ANKRD6: variants seen among roughly 807,000 people sequenced by gnomAD.
The protein encoded by ANKRD6 is ankyrin repeat domain-containing protein 6.
Under a neutral mutation model 82.3 loss-of-function variants are expected in ANKRD6, and 56 were observed. The ratio of observed to expected loss-of-function variants is 0.68; its 90% CI spans 0.55 to 0.85. The LOEUF is 0.85. ANKRD6 is among the 40% of genes least tolerant of loss of function. The pLI, the probability that ANKRD6 is intolerant of heterozygous loss-of-function variation, is 0.00. For missense variants in ANKRD6, 852 were observed against 907.6 expected (o/e 0.94, Z 0.79); for synonymous variants, 347 against 352.1 (o/e 0.99, Z 0.16).
intron 1 of ANKRD6, among the ~76,000 whole-genome samples, chr6:89,533,399 T>C (rs2127993267): frequency 6.6e-6 from 1 of 152,294 alleles, no homozygotes; most frequent in South Asian, 2.1e-4. Context: ...TTTGACAACT[T>C]GCAGCAACCT....
At chr6:89,473,388 G>GTGTTT (rs1289047488) in intron 1 of ANKRD6, among the ~76,000 whole-genome samples, 1 of 149,978 alleles carries the variant, frequency 6.7e-6, no homozygotes, top group Admixed American at 6.6e-5. Flanking sequence ...GGGCGATAGA[G>GTGTTT]TGAGACTCTG....
chr6:89,517,000 C>T (rs1303114922), intron 1 of ANKRD6, among the ~76,000 whole-genome samples: 1 of 152,172 alleles, frequency 6.6e-6, no homozygotes. Context: ...TCCTGAGTAG[C>T]TGAGACTATA....
rs894817449 is a variant in ANKRD6 at position 89,620,962 on chromosome 6, G to A, written c.793-960G>A. ...CGGGCGCCTGTAGTCCCAGTTACTC[G>A]GGAAGCTGAGGCAGGAGAATGGCGT... On this transcript the variant is annotated intron_variant, in intron 9 of 15. Coordinates refer to ENST00000339746, the MANE Select transcript of ANKRD6 (RefSeq NM_001242809.2). 5.3e-5 allele frequency among the ~76,000 whole-genome samples: 8 copies of A among 152,038 alleles called. No individual in the cohort carries two copies. In the South Asian group the frequency reaches 1.5e-3, roughly 28 times the overall value.
chr6:89,457,155 T>C (rs1411469507), intron 1 of ANKRD6, among the ~76,000 whole-genome samples: 6 of 152,198 alleles, frequency 3.9e-5, no homozygotes, highest in Admixed American at 2.0e-4. Flanking sequence ...GCAGCTGGCT[T>C]CCACCAGAGC....
intron 1 of ANKRD6, among the ~76,000 whole-genome samples, chr6:89,497,553 A>G (rs1385735198): frequency 2.0e-5 from 3 of 152,208 alleles, no homozygotes; most frequent in Non-Finnish European, 4.4e-5. Context: ...TTGAAATCCT[A>G]GGAAACTGTC....
At chr6:89,476,194 T>G (rs1217739726) in intron 1 of ANKRD6, among the ~76,000 whole-genome samples, 1 of 152,182 alleles carries the variant, frequency 6.6e-6, no homozygotes, top group Non-Finnish European at 1.5e-5. Flanking sequence ...TTGTTTTGTT[T>G]TGTTTTTTTA....
At chr6:89,546,044 T>A (rs1785049661) in intron 1 of ANKRD6, among the ~76,000 whole-genome samples, 1 of 152,174 alleles carries the variant, frequency 6.6e-6, no homozygotes, top group Admixed American at 6.5e-5. Context: ...CCTGACCTCA[T>A]GATCTGCCCG....
chr6:89,623,112 T>C (rs533451208), intron 10 of ANKRD6, among the ~76,000 whole-genome samples: 2 of 152,030 alleles, frequency 1.3e-5, no homozygotes, highest in East Asian at 1.9e-4. Context: ...TCTCTAATGC[T>C]GAGGTGTTTT....
intron 13 of ANKRD6, 108 bp from the exon 14 acceptor site, chr6:89,627,475 C>A: frequency 2.5e-6 from 2 of 803,774 alleles, no homozygotes; most frequent in Non-Finnish European, 2.0e-6. Flanking sequence ...TTGAAGTTTG[C>A]ATGCAGGGGC....
chr6:89,578,063 G>A (rs1413881133), intron 2 of ANKRD6, among the ~76,000 whole-genome samples: 2 of 152,210 alleles, frequency 1.3e-5, no homozygotes, highest in Admixed American at 6.5e-5. Flanking sequence ...GCCCCCCAGA[G>A]TTCTCTGCAG....
chr6:89,572,209 A>T (rs1790080061), intron 2 of ANKRD6, among the ~76,000 whole-genome samples: 1 of 152,216 alleles, frequency 6.6e-6, no homozygotes, highest in Non-Finnish European at 1.5e-5. Flanking sequence ...CAATTTTGGT[A>T]ATTATGAGTA....
At chr6:89,612,687 C>G (rs188195056) in intron 6 of ANKRD6, among the ~76,000 whole-genome samples, 4 of 152,196 alleles carry the variant, frequency 2.6e-5, no homozygotes, top group African/African-American at 7.2e-5. Flanking sequence ...AAGAAAGTCT[C>G]TACCCACATA....
chr6:89,589,133 T>TA (rs540907461), intron 2 of ANKRD6, among the ~76,000 whole-genome samples: 6 of 151,936 alleles, frequency 3.9e-5, no homozygotes, highest in Non-Finnish European at 4.4e-5. Flanking sequence ...CTGGGACAGG[T>TA]ACTGTTGGTC....
chr6:89,577,805 A>C (rs1004235184), intron 2 of ANKRD6, among the ~76,000 whole-genome samples: 2 of 152,188 alleles, frequency 1.3e-5, no homozygotes, highest in Non-Finnish European at 2.9e-5. Context: ...CATCAGAGGG[A>C]GATCCTGTCT....
At chr6:89,528,455 T>G (rs1420862312) in intron 1 of ANKRD6, among the ~76,000 whole-genome samples, 1 of 152,244 alleles carries the variant, frequency 6.6e-6, no homozygotes, top group African/African-American at 2.4e-5. Context: ...ATCTTCAGGC[T>G]CCACTTCTAA....
chr6:89,536,382 C>T (rs1783840054), intron 1 of ANKRD6, among the ~76,000 whole-genome samples: 2 of 152,224 alleles, frequency 1.3e-5, no homozygotes, highest in Non-Finnish European at 2.9e-5. Context: ...TTCCCAGCTG[C>T]CCTTTCTCAG....
At chr6:89,541,065 C>G (rs2128005894) in intron 1 of ANKRD6, among the ~76,000 whole-genome samples, 1 of 152,174 alleles carries the variant, frequency 6.6e-6, no homozygotes, top group Non-Finnish European at 1.5e-5. Context: ...AATGTGATTC[C>G]TCCAGTTTTC....
At chr6:89,446,415 A>T (rs1424877603) in intron 1 of ANKRD6, among the ~76,000 whole-genome samples, 1 of 152,200 alleles carries the variant, frequency 6.6e-6, no homozygotes, top group Non-Finnish European at 1.5e-5. Flanking sequence ...AATGGCCTCT[A>T]AGCATTCAAG....
intron 1 of ANKRD6, among the ~76,000 whole-genome samples, chr6:89,478,870 A>G (rs1244561382): frequency 2.0e-5 from 3 of 152,116 alleles, no homozygotes; most frequent in African/African-American, 7.2e-5. Flanking sequence ...ATGGCCATTT[A>G]CAAGCTAAGA....
Sources: gnomAD v4.1 joint callset for allele counts (sites outside exome capture counted in the v4.1 genomes callset) on GRCh38, gnomAD v4.1.1 for gene constraint, MANE v1.5 for transcripts, NCBI Gene and HGNC (gene_info 2026-07-23, HGNC 2026-07-21) for gene names.